The following ARHGAP26 variants were observed in gnomAD, a reference collection of about 807,000 sequenced individuals.
ARHGAP26 encodes Rho GTPase activating protein 26.
A neutral mutation model predicts 104.8 loss-of-function variants in ARHGAP26; 38 were observed. The observed-to-expected ratio is 0.36, with a 90% CI of 0.28 to 0.48. The LOEUF is 0.48. Among genes scored for constraint, ARHGAP26 ranks in the 20% least tolerant of loss-of-function variants. The pLI is 0.99. For missense variants in ARHGAP26, 704 were observed against 947.9 expected (o/e 0.74, Z 3.38); for synonymous variants, 341 against 340.0 (o/e 1.00, Z -0.03).
chr5:143,126,826 A>G (rs1399615603), intron 18 of ARHGAP26, among the ~76,000 whole-genome samples: 1 of 152,198 alleles, frequency 6.6e-6, no homozygotes, highest in Non-Finnish European at 1.5e-5. Flanking sequence ...TTCCCACGCT[A>G]TGTTAAGGTA....
intron 17 of ARHGAP26, among the ~76,000 whole-genome samples, chr5:143,082,226 C>T (rs1336793314): frequency 6.6e-6 from 1 of 151,896 alleles, no homozygotes; most frequent in Non-Finnish European, 1.5e-5. Context: ...CTTGTCCCAC[C>T]CCCCAAGACA....
chr5:143,057,902 A>G (rs2150293975), intron 17 of ARHGAP26, 155 bp downstream of exon 17: 1 of 747,352 alleles, frequency 1.3e-6, no homozygotes, highest in Admixed American at 2.0e-5. Context: ...TGTTCATTGC[A>G]GTGGAGAACA....
At chr5:142,914,632 G>A (rs1258442048) in intron 10 of ARHGAP26, among the ~76,000 whole-genome samples, 1 of 152,166 alleles carries the variant, frequency 6.6e-6, no homozygotes, top group Non-Finnish European at 1.5e-5. Flanking sequence ...TAAACACAGA[G>A]AGGTACATAT....
intron 12 of ARHGAP26, among the ~76,000 whole-genome samples, chr5:143,021,053 A>C (rs1437150983): frequency 6.6e-6 from 1 of 152,256 alleles, no homozygotes; most frequent in African/African-American, 2.4e-5. Flanking sequence ...GCAGTGATTG[A>C]AGAAGGAAAT....
intron 17 of ARHGAP26, among the ~76,000 whole-genome samples, chr5:143,080,133 C>G (rs1789592803): frequency 6.6e-6 from 1 of 152,118 alleles, no homozygotes; most frequent in Admixed American, 6.6e-5. Context: ...TGCTAGGAGC[C>G]TTTCACTTAT....
At chr5:142,849,943 GCA>G (rs1003436611) in intron 1 of ARHGAP26, among the ~76,000 whole-genome samples, 102 of 152,214 alleles carry the variant, frequency 6.7e-4, no homozygotes, top group Middle Eastern at 3.4e-3. Flanking sequence ...GTGTTCTTCT[GCA>G]CACACTCTTC....
chr5:142,935,702 A>C (rs1765309037), intron 11 of ARHGAP26, among the ~76,000 whole-genome samples: 1 of 152,218 alleles, frequency 6.6e-6, no homozygotes, highest in Non-Finnish European at 1.5e-5. Flanking sequence ...GAGCTGTATA[A>C]ATGATGGCAG....
intron 19 of ARHGAP26, among the ~76,000 whole-genome samples, chr5:143,141,067 G>T (rs1255883824): frequency 3.9e-5 from 6 of 152,244 alleles, no homozygotes; most frequent in Admixed American, 3.9e-4. Flanking sequence ...GTTTGCTTTG[G>T]CAGATGACAT....
chr5:142,900,312 C>T (rs1174396670), intron 6 of ARHGAP26, among the ~76,000 whole-genome samples: 1 of 149,832 alleles, frequency 6.7e-6, no homozygotes, highest in African/African-American at 2.6e-5. Flanking sequence ...CTCCATGGGG[C>T]TTACCACTCA....
chr5:142,830,685 T>A (rs181005429), intron 1 of ARHGAP26, among the ~76,000 whole-genome samples: 18 of 152,340 alleles, frequency 1.2e-4, no homozygotes, highest in African/African-American at 4.3e-4. Context: ...GTATTTTTTC[T>A]CCCAAGCAGT....
Position 142,865,873 on chromosome 5 carries a change from T to A in ARHGAP26, c.155-7527T>A, listed in dbSNP as rs1289433206. ...CTCCTGTCCATCTAGTTAAACTTGC[T>A]GCTTTTTCTGGGTAGGTTCTGCATT... is the stretch of plus-strand genomic sequence containing the variant. On this transcript the variant is annotated intron_variant, in intron 1 of 22. Transcript: ENST00000645722. Among the ~76,000 whole-genome samples the A allele has an allele frequency of 6.6e-5, 10 of 152,244 alleles. No individual in the cohort carries two copies. The East Asian group carries it at 1.9e-3, about 29-fold the overall frequency.
chr5:143,045,819 G>GA (rs1348726978), intron 14 of ARHGAP26, among the ~76,000 whole-genome samples: 2 of 152,096 alleles, frequency 1.3e-5, no homozygotes, highest in Non-Finnish European at 2.9e-5. Flanking sequence ...CCAACATGGT[G>GA]AAACCCCATC....
At chr5:142,816,607 C>G (rs569742948) in intron 1 of ARHGAP26, among the ~76,000 whole-genome samples, 1 of 152,326 alleles carries the variant, frequency 6.6e-6, no homozygotes, top group Admixed American at 6.5e-5. Context: ...ATGGAAAGAA[C>G]TGTGTGAGCA....
intron 20 of ARHGAP26, among the ~76,000 whole-genome samples, chr5:143,153,099 A>G (rs988036982): frequency 2.0e-5 from 3 of 152,162 alleles, no homozygotes; most frequent in South Asian, 2.1e-4. Context: ...GAGTCTCACT[A>G]TAGTATAGTG....
chr5:142,911,364 A>T (rs565323620), intron 9 of ARHGAP26, among the ~76,000 whole-genome samples: 2 of 152,178 alleles, frequency 1.3e-5, no homozygotes, highest in African/African-American at 4.8e-5. Context: ...CTCCAAGCCT[A>T]TGTGGACCCT....
intron 11 of ARHGAP26, among the ~76,000 whole-genome samples, chr5:142,949,178 A>AGAGAGAGAGAGAG (rs1767684980): frequency 2.1e-4 from 1 of 4,748 alleles, no homozygotes; most frequent in Non-Finnish European, 3.8e-4. Context: ...AGAGAGAGAG[A>AGAGAGAGAGAGAG]GAGAGAGAGA....
intron 18 of ARHGAP26, among the ~76,000 whole-genome samples, chr5:143,128,668 C>T (rs1426665661): frequency 6.6e-6 from 1 of 152,162 alleles, no homozygotes; most frequent in Non-Finnish European, 1.5e-5. Context: ...GTCCCATTGT[C>T]TGTCATGAGA....
intron 17 of ARHGAP26, among the ~76,000 whole-genome samples, chr5:143,090,668 T>G (rs1035566226): frequency 6.6e-6 from 1 of 152,172 alleles, no homozygotes; most frequent in Non-Finnish European, 1.5e-5. Flanking sequence ...CTGTGTAGAA[T>G]TACACTGGGT....
intron 12 of ARHGAP26, among the ~76,000 whole-genome samples, chr5:143,022,376 C>T (rs778472848): frequency 5.9e-5 from 9 of 152,186 alleles, no homozygotes; most frequent in Non-Finnish European, 1.3e-4. Context: ...CCTGGCCAAT[C>T]CCCTGATTTT....
Sources: allele counts gnomAD v4.1 joint callset (sites outside exome capture counted in the v4.1 genomes callset), GRCh38; gene constraint gnomAD v4.1.1; transcripts MANE v1.5; gene names NCBI Gene and HGNC (gene_info 2026-07-23, HGNC 2026-07-21).